Variants in DHX15 observed in about 807,000 individuals in gnomAD.
DHX15 encodes the protein ATP-dependent RNA helicase DHX15.
DHX15 carries 11 observed loss-of-function variants against 94.4 expected under a neutral mutation model. The observed-to-expected ratio is 0.12, with a 90% confidence interval of 0.07 to 0.19. The LOEUF is 0.19. Ranked by LOEUF, DHX15 falls within the 10% of genes least tolerant of loss-of-function variation. The pLI is 1.00. For synonymous variants in DHX15, 338 were observed against 329.9 expected (o/e 1.02, Z -0.27); for missense variants, 304 against 988.5 (o/e 0.31, Z 9.29).
At chr4:24,550,983 G>A (rs989678796) in intron 5 of DHX15, among the ~76,000 whole-genome samples, 3 of 152,112 alleles carry the variant, frequency 2.0e-5, no homozygotes, top group Non-Finnish European at 2.9e-5. Flanking sequence ...ATAATCTTAC[G>A]GGAGCAGCAC....
At chr4:24,559,800 C>A (rs979178886) in intron 3 of DHX15, among the ~76,000 whole-genome samples, 1 of 152,166 alleles carries the variant, frequency 6.6e-6, no homozygotes, top group African/African-American at 2.4e-5. Flanking sequence ...CATCTCAGAT[C>A]TACTTAATCA....
intron 3 of DHX15, among the ~76,000 whole-genome samples, chr4:24,556,762 A>G (rs2109408407): frequency 6.6e-6 from 1 of 152,318 alleles, no homozygotes; most frequent in East Asian, 1.9e-4. Flanking sequence ...ACATACAAAT[A>G]TTCAACACGC....
At chr4:24,542,152 G>A (rs1285878446) in intron 7 of DHX15, 130 bp from the exon 8 acceptor site, 9 of 733,684 alleles carry the variant, frequency 1.2e-5, no homozygotes, top group Admixed American at 3.2e-5. Flanking sequence ...AAATCATGCT[G>A]CTACAATAGA....
chr4:24,564,408 A>C (rs2109005678), intron 3 of DHX15, among the ~76,000 whole-genome samples: 1 of 152,328 alleles, frequency 6.6e-6, no homozygotes, highest in Middle Eastern at 3.4e-3. Flanking sequence ...ACCTTAATAG[A>C]AACCAGCTCA....
At chr4:24,548,808 T>A (rs35768649) in intron 6 of DHX15, 47 bp downstream of exon 6, 106,552 of 1,549,680 alleles carry the variant, frequency 0.069, 4,189 homozygotes, top group African/African-American at 0.098. Flanking sequence ...TTATATCTCA[T>A]AAATCATTAT....
chr4:24,574,041 C>CA (rs10567935), intron 2 of DHX15, among the ~76,000 whole-genome samples: 20,491 of 127,514 alleles, frequency 0.16, 1,754 homozygotes, highest in Middle Eastern at 0.27. Flanking sequence ...ATTAAAAATA[C>CA]AAAAAAAAAA....
chr4:24,532,756 A>T, intron 12 of DHX15, 108 bp downstream of exon 12: 1 of 765,466 alleles, frequency 1.3e-6, no homozygotes. Flanking sequence ...ATAAATTTTT[A>T]TGAGCATGCA....
chr4:24,529,343 A>C (rs889037362), intron 13 of DHX15, among the ~76,000 whole-genome samples: 2 of 152,140 alleles, frequency 1.3e-5, no homozygotes, highest in African/African-American at 4.8e-5. Context: ...CCAGCCCCTG[A>C]AGAAACTTTT....
Position 24,537,479 on chromosome 4 carries a change from C to A in DHX15, c.1787-306G>T, listed in dbSNP as rs1004027439. ...AAAAAGCTCAACTTATTTAAAAAAACCAGTGCTGATAGCTCTACCAATAAC... is the reference window on the plus strand; with the variant it reads ...AAAAAGCTCAACTTATTTAAAAAAAACAGTGCTGATAGCTCTACCAATAAC... On this transcript the variant is annotated intron_variant, in intron 10 of 13. Coordinates refer to ENST00000336812, the MANE Select transcript of DHX15 (RefSeq NM_001358.3). This position sits in a 1 kb window ranked among gnomAD's most constrained non-coding sequence, Gnocchi z 4.7. 1 of 214,966 alleles carries A rather than the reference C, an allele frequency of 4.7e-6. No homozygotes were observed. Among genetic ancestry groups the A allele is most frequent in the African/African-American group, 2.3e-5 (1 of 43,572 alleles). 13.3% of individuals were successfully genotyped at this position (214,966 alleles called of 1,614,324 possible). A position where few individuals can be genotyped will look rare whatever the true frequency, so the allele number is the denominator to read the frequency against.
rs1577333354 is a variant in DHX15, at chr4:24,536,694, T to C, written c.1909+357A>G. Among the ~76,000 whole-genome samples, 4 of 152,304 alleles carry C rather than the reference T, an allele frequency of 2.6e-5. 1 individual carries two copies. In the Middle Eastern group the frequency reaches 0.014, roughly 518 times the overall value. ...AAAAGTTCTTTATTAGTAAAAATGTTAGAGTAATGATTGTATAAACAATAT... is the reference window on the plus strand; with the variant it reads ...AAAAGTTCTTTATTAGTAAAAATGTCAGAGTAATGATTGTATAAACAATAT... On this transcript the variant is annotated intron_variant, in intron 11 of 13. Coordinates refer to ENST00000336812, the MANE Select transcript of DHX15 (RefSeq NM_001358.3).
chr4:24,570,419 C>A (rs1412312843), intron 3 of DHX15, among the ~76,000 whole-genome samples: 1 of 152,070 alleles, frequency 6.6e-6, no homozygotes, highest in Non-Finnish European at 1.5e-5. Flanking sequence ...AACATTTCAC[C>A]TAAAATGCAG....
At chr4:24,532,573 CAA>C (rs1331837262) in intron 12 of DHX15, among the ~76,000 whole-genome samples, 2 of 152,100 alleles carry the variant, frequency 1.3e-5, no homozygotes, top group Non-Finnish European at 2.9e-5. Context: ...TGAAAGTAGC[CAA>C]AGTTTCCATT....
chr4:24,535,205 T>C (rs958480990), intron 11 of DHX15, among the ~76,000 whole-genome samples: 1 of 152,190 alleles, frequency 6.6e-6, no homozygotes, highest in Admixed American at 6.5e-5. Flanking sequence ...ACAGGCCACT[T>C]GTAGCCTAAG....
intron 4 of DHX15, 33 bp from the exon 5 acceptor site, chr4:24,554,976 C>T (rs1721695988): frequency 6.5e-7 from 1 of 1,546,650 alleles, no homozygotes; most frequent in Non-Finnish European, 8.9e-7. Context: ...TTGAAGCTGT[C>T]TTCAAGGATT....
At chr4:24,581,529 G>A (rs1392216694) in intron 1 of DHX15, among the ~76,000 whole-genome samples, 2 of 152,198 alleles carry the variant, frequency 1.3e-5, no homozygotes, top group Non-Finnish European at 2.9e-5. Flanking sequence ...AGATTTTAGG[G>A]AATGCCTTCT....
At chr4:24,536,978 T>C in intron 11 of DHX15, 73 bp downstream of exon 11, 2 of 1,462,714 alleles carry the variant, frequency 1.4e-6, no homozygotes, top group Non-Finnish European at 1.8e-6. Flanking sequence ...TAAATCAAAG[T>C]GGGACAAAGA....
At chr4:24,549,891 C>T (rs998507491) in intron 5 of DHX15, among the ~76,000 whole-genome samples, 8 of 151,666 alleles carry the variant, frequency 5.3e-5, no homozygotes, top group East Asian at 1.9e-4. Flanking sequence ...GTTGGGAGTT[C>T]GAGACCACCC....
rs1721518256 is a variant in DHX15 at position 24,548,720 on chromosome 4, T to C, written c.1248+135A>G. On this transcript the variant is annotated intron_variant, in intron 6 of 13. Coordinates refer to ENST00000336812, the MANE Select transcript of DHX15 (RefSeq NM_001358.3). ...TAGGGTCAAGAGATATGCGGAACCC[T>C]ACAAATGGATATTATTTTGTTGTAT... is the stretch of plus-strand genomic sequence containing the variant. 3 of 842,462 alleles carry C rather than the reference T, an allele frequency of 3.6e-6. No homozygotes were observed. The Admixed American group carries it at 8.8e-5, about 25-fold the overall frequency. The allele number at this position is 842,462 out of a possible 1,614,324, so 52.2% of individuals were successfully genotyped here.
chr4:24,532,744 A>G (rs1448510190), intron 12 of DHX15, 120 bp downstream of exon 12: 1 of 704,208 alleles, frequency 1.4e-6, no homozygotes, highest in Non-Finnish European at 2.3e-6. Flanking sequence ...CCAACATTTA[A>G]GATAAATTTT....
Sources: gnomAD v4.1 joint callset for allele counts (sites outside exome capture counted in the v4.1 genomes callset) on GRCh38, gnomAD v4.1.1 for gene constraint, Gnocchi (gnomAD v3.1) non-coding constraint, MANE v1.5 for transcripts, NCBI Gene and HGNC (gene_info 2026-07-23, HGNC 2026-07-21) for gene names.